TSPEAR: variants seen among roughly 807,000 people sequenced by gnomAD.
TSPEAR encodes the protein thrombospondin type laminin G domain and EAR repeats.
Under a neutral mutation model 71.6 loss-of-function variants are expected in TSPEAR, and 69 were observed. That is an observed-to-expected ratio of 0.96 (90% CI 0.79 to 1.18). The LOEUF (loss-of-function observed/expected upper bound fraction) is 1.18. Among genes scored for constraint, TSPEAR ranks in the 50% most tolerant of loss-of-function variants. The pLI is 0.00. For missense variants in TSPEAR, 971 were observed against 894.9 expected, an observed-to-expected ratio of 1.09 and a Z score of -1.09; for synonymous variants, 402 against 387.2, an observed-to-expected ratio of 1.04 and a Z score of -0.45.
rs1555931572 is a variant in TSPEAR, at chr21:44,612,868, C to T, written c.83-44863G>A. ...TCCTCTGCCGCCCCGCGTGCTCCCG[C>T]CTGGCCTGCTGAGGCCTCTGCTCAG... is the stretch of plus-strand genomic sequence containing the variant. On this transcript the variant is annotated intron_variant, in intron 1 of 11. Transcript: ENST00000323084. The surrounding 1 kb of genome is among the most constrained non-coding windows in gnomAD (Gnocchi z 4.1). 3 of 1,611,828 alleles carry T rather than the reference C, an allele frequency of 1.9e-6. 1 individual carries two copies. Among genetic ancestry groups the T allele is most frequent in the East Asian group, 2.2e-5 (1 of 44,876 alleles).
chr21:44,551,474 A>T (rs456478), intron 2 of TSPEAR: 2 of 1,585,304 alleles, frequency 1.3e-6, no homozygotes. Context: ...AGTGGGGAGG[A>T]GGTGAGCTGG....
Position 44,505,997 on chromosome 21 carries a change from T to C in TSPEAR, c.1755-1116A>G, listed in dbSNP as rs587773503. ...CTGTGCAGAAATGGCGTCACAGTGC[T>C]GTGGCCTCTGTGCCTGGTTTCTTCT... On this transcript the variant is annotated intron_variant, in intron 10 of 11. Transcript: ENST00000323084. Among the ~76,000 whole-genome samples the C allele has an allele frequency of 3.3e-5, 5 of 152,346 alleles. No homozygotes were observed. In the East Asian group the frequency reaches 9.7e-4, roughly 29 times the overall value.
At chr21:44,666,430 G>T in intron 1 of TSPEAR, 7 of 1,566,946 alleles carry the variant, frequency 4.5e-6, no homozygotes, top group Non-Finnish European at 6.1e-6. Context: ...GGAGCAGCGG[G>T]TCTGGAGATT....
At chr21:44,666,393 T>C in intron 1 of TSPEAR, 2 of 1,522,892 alleles carry the variant, frequency 1.3e-6, no homozygotes, top group Non-Finnish European at 1.8e-6. Flanking sequence ...ATCCAGGGAG[T>C]GTACAGGTGT....
At chr21:44,650,186 A>G (rs1359069205) in intron 1 of TSPEAR, among the ~76,000 whole-genome samples, 1 of 151,146 alleles carries the variant, frequency 6.6e-6, no homozygotes, top group Admixed American at 6.6e-5. Context: ...ACTGCACTCC[A>G]GCCTGGGTGA....
In TSPEAR at chr21:44,637,479, A is replaced by C. The variant is rs587702375; in HGVS notation, c.83-69474T>G. On this transcript the variant is annotated intron_variant, in intron 1 of 11. Transcript: ENST00000323084. Reference sequence around the variant, plus strand: ...TGCACTGACTCTTGGCGGGTAGTCGACTGCCCAGAGAGCTGCTGCGAGCCC... The same window carrying C: ...TGCACTGACTCTTGGCGGGTAGTCGCCTGCCCAGAGAGCTGCTGCGAGCCC... 808 of 1,613,306 alleles carry C rather than the reference A, an allele frequency of 5.0e-4. 13 individuals carry two copies. The South Asian group carries it at 7.1e-3, about 14-fold the overall frequency.
chr21:44,676,258 T>A, intron 1 of TSPEAR: 1 of 1,286,062 alleles, frequency 7.8e-7, no homozygotes, highest in Non-Finnish European at 1.1e-6. Flanking sequence ...AAGGGTCTCT[T>A]CACTGTACAC....
At chr21:44,530,075 C>T (rs2052936743) in intron 4 of TSPEAR, 121 bp from the exon 5 acceptor site, 1 of 1,044,158 alleles carries the variant, frequency 9.6e-7, no homozygotes, top group Non-Finnish European at 1.3e-6. Flanking sequence ...GGAATCTAAG[C>T]TTTTGCAGAG....
intron 1 of TSPEAR, chr21:44,574,310 C>T (rs383474): frequency 1.4e-4 from 233 of 1,610,720 alleles, no homozygotes; most frequent in Middle Eastern, 8.4e-4. Context: ...GTGTGTCCAG[C>T]CCCTGCTGCC....
chr21:44,551,178 G>C, intron 2 of TSPEAR: 1 of 1,568,356 alleles, frequency 6.4e-7, no homozygotes. Context: ...CTGCTGGCAG[G>C]GGGAGGAGGT....
intron 3 of TSPEAR, 150 bp from the exon 4 acceptor site, chr21:44,531,283 C>T (rs1295781676): frequency 6.2e-6 from 4 of 644,798 alleles, no homozygotes; most frequent in African/African-American, 5.5e-5. Context: ...TGATCGCCTG[C>T]ACAGCTCTGG....
At position 44,629,566 on chromosome 21, in the gene TSPEAR, G is replaced by A. The variant is rs115926290; in HGVS notation, c.83-61561C>T. ...GGCATCACAAGTCAGCCCATATCAG[G>A]GGGCTCTGGCTTTGGCCCTTGAGGC... is the stretch of plus-strand genomic sequence containing the variant. On this transcript the variant is annotated intron_variant, in intron 1 of 11. Transcript: ENST00000323084. 3.5e-3 allele frequency among the ~76,000 whole-genome samples: 527 copies of A among 152,310 alleles called. 2 individuals are homozygous for A. Among genetic ancestry groups the A allele is most frequent in the African/African-American group, 0.012 (505 of 41,568 alleles).
At chr21:44,597,702 G>C (rs587628148) in intron 1 of TSPEAR, among the ~76,000 whole-genome samples, 1 of 152,038 alleles carries the variant, frequency 6.6e-6, no homozygotes, top group Admixed American at 6.5e-5. Flanking sequence ...ACAGTGCTGG[G>C]ATTACAGGTG....
chr21:44,627,470 G>C (rs374240423), intron 1 of TSPEAR: 10 of 1,570,460 alleles, frequency 6.4e-6, no homozygotes, highest in Non-Finnish European at 7.8e-6. Flanking sequence ...CAGGCCTGCT[G>C]CGTGCCCGTC....
At chr21:44,606,365 A>G (rs1981315140) in intron 1 of TSPEAR, among the ~76,000 whole-genome samples, 1 of 152,186 alleles carries the variant, frequency 6.6e-6, no homozygotes, top group South Asian at 2.1e-4. Context: ...CAAAAAGATG[A>G]AAGCGAACAA....
At chr21:44,590,355 C>G (rs1555926288) in intron 1 of TSPEAR, among the ~76,000 whole-genome samples, 1 of 151,878 alleles carries the variant, frequency 6.6e-6, no homozygotes. Flanking sequence ...ACCTAGGAGG[C>G]TGGGGGTGTG....
At chr21:44,602,911 T>C (rs1211121) in intron 1 of TSPEAR, among the ~76,000 whole-genome samples, 133,258 of 151,864 alleles carry the variant, frequency 0.88, 58,977 homozygotes, top group Non-Finnish European at 0.94. Flanking sequence ...CCACAACCTG[T>C]GTGGCCTGTG....
At chr21:44,591,313 G>A (rs1979805208) in intron 1 of TSPEAR, 2 of 1,526,750 alleles carry the variant, frequency 1.3e-6, no homozygotes. Flanking sequence ...CAAAGCCAGA[G>A]AGGGCAGAGC....
intron 9 of TSPEAR, among the ~76,000 whole-genome samples, chr21:44,515,076 C>G (rs1482750015): frequency 6.6e-6 from 1 of 152,190 alleles, no homozygotes; most frequent in African/African-American, 2.4e-5. Context: ...CTATGGCACA[C>G]ACCCACTTTC....
Sources: gnomAD v4.1 joint callset for allele counts (sites outside exome capture counted in the v4.1 genomes callset) on GRCh38, gnomAD v4.1.1 for gene constraint, Gnocchi (gnomAD v3.1) non-coding constraint, MANE v1.5 for transcripts, NCBI Gene and HGNC (gene_info 2026-07-23, HGNC 2026-07-21) for gene names.